Variants in PLD5 observed in about 807,000 individuals in gnomAD.
PLD5 encodes inactive phospholipase D5.
PLD5 carries 36 observed loss-of-function variants against 61.1 expected under a neutral mutation model. The ratio of observed to expected loss-of-function variants is 0.59; its 90% CI spans 0.45 to 0.78. The LOEUF is 0.78. Among genes scored for constraint, PLD5 ranks in the 30% least tolerant of loss-of-function variants. The pLI, the probability that PLD5 is intolerant of heterozygous loss-of-function variation, is 0.00. For missense variants in PLD5, 515 were observed against 644.4 expected (o/e 0.80, Z 2.17); for synonymous variants, 243 against 242.8 (o/e 1.00, Z -0.01).
intron 5 of PLD5, among the ~76,000 whole-genome samples, chr1:242,199,575 A>G (rs547361182): frequency 2.0e-5 from 3 of 152,240 alleles, no homozygotes; most frequent in Admixed American, 1.3e-4. Context: ...CAATTTTGCT[A>G]CACTGATTTA....
At chr1:242,198,102 A>G (rs1236814530) in intron 5 of PLD5, among the ~76,000 whole-genome samples, 1 of 152,178 alleles carries the variant, frequency 6.6e-6, no homozygotes, top group Non-Finnish European at 1.5e-5. Flanking sequence ...GAATGAATGA[A>G]TAAATGAACC....
At chr1:242,104,167 G>A (rs1267943868) in intron 8 of PLD5, among the ~76,000 whole-genome samples, 1 of 151,994 alleles carries the variant, frequency 6.6e-6, no homozygotes, top group Non-Finnish European at 1.5e-5. Context: ...TCCCCAGGCT[G>A]GAGTGCAGTG....
At position 242,354,965 on chromosome 1, in the gene PLD5, A is replaced by T. The variant is rs544536149; in HGVS notation, c.190-6723T>A. Among the ~76,000 whole-genome samples, 88 of 152,158 alleles carry T rather than the reference A, an allele frequency of 5.8e-4. 1 individual carries two copies. The highest frequency in any genetic ancestry group is 5.7e-3 in the Admixed American group (87 of 15,286). ...GTGGATATATCCTTGCATCCCAGGG[A>T]TAGATCCCATTTGATCATGGTAAAT... On this transcript the variant is annotated intron_variant, in intron 1 of 9. Coordinates refer to ENST00000536534, the MANE Select transcript of PLD5 (RefSeq NM_001372062.1).
Position 242,100,789 on chromosome 1 carries a change from G to GAAA in PLD5, c.1240-10_1240-8dup. 2 of 1,287,678 alleles carry GAAA rather than the reference G, an allele frequency of 1.6e-6. No homozygotes were observed. The highest frequency in any genetic ancestry group is 2.1e-6 in the Non-Finnish European group (2 of 951,454). The allele number at this position is 1,287,678 out of a possible 1,614,324, so 79.8% of individuals were successfully genotyped here. On this transcript the variant is annotated splice_polypyrimidine_tract_variant and splice_region_variant and intron_variant, in intron 8 of 9. Transcript: ENST00000536534. ...TTTCCAGATCAAAAAATTTCTGTAA[G>GAAA]AAAAAAAAAAAGGGGGCAGGTAAAT...
At chr1:242,478,690 C>T (rs1309716754) in intron 1 of PLD5, among the ~76,000 whole-genome samples, 1 of 152,134 alleles carries the variant, frequency 6.6e-6, no homozygotes, top group East Asian at 1.9e-4. Flanking sequence ...CTTTGATATT[C>T]CCTGGACTGC....
chr1:242,226,292 C>T (rs1433508388), intron 4 of PLD5, among the ~76,000 whole-genome samples: 2 of 152,172 alleles, frequency 1.3e-5, no homozygotes, highest in Non-Finnish European at 2.9e-5. Flanking sequence ...GAGATGCATA[C>T]ATCACAATGT....
At chr1:242,213,196 C>A (rs1004195745) in intron 5 of PLD5, among the ~76,000 whole-genome samples, 28 of 152,068 alleles carry the variant, frequency 1.8e-4, no homozygotes, top group Admixed American at 2.0e-4. Context: ...CAGAACAGGA[C>A]AGAAAAAAAT....
chr1:242,113,940 C>A lies in PLD5; in HGVS notation c.1020G>T (p.Val340=). The A allele has an allele frequency of 1.2e-6, 2 of 1,614,086 alleles. No homozygotes were observed. Among genetic ancestry groups the A allele is most frequent in the Non-Finnish European group, 1.7e-6 (2 of 1,179,968 alleles). The change falls in exon 7 of 10, where the codon GTG becomes GTT. Residue 340 remains valine (V), a synonymous_variant. Transcript: ENST00000536534. ...GCAGGTAGTCCATGACAGCGATGTA[C>A]ACATACTGCTTGGCATCATCTATCA... The part of the protein sequence containing the change: ...YSVIDDAKQY[V]YIAVMDYLPI...
intron 5 of PLD5, among the ~76,000 whole-genome samples, chr1:242,172,267 C>G (rs1666806604): frequency 6.6e-6 from 1 of 152,194 alleles, no homozygotes; most frequent in African/African-American, 2.4e-5. Context: ...CAACCTGCTC[C>G]TGAATGACTA....
intron 1 of PLD5, among the ~76,000 whole-genome samples, chr1:242,421,737 A>G (rs1036405908): frequency 2.6e-5 from 4 of 152,246 alleles, no homozygotes; most frequent in African/African-American, 9.6e-5. Flanking sequence ...GTGTTACACA[A>G]CTGCAAGTTT....
At chr1:242,166,223 C>T (rs761981032) in intron 5 of PLD5, among the ~76,000 whole-genome samples, 93 of 152,200 alleles carry the variant, frequency 6.1e-4, no homozygotes, top group Non-Finnish European at 1.2e-3. Context: ...GCCACAAGGG[C>T]ATCTGCCAGC....
At chr1:242,444,665 T>C (rs948056389) in intron 1 of PLD5, among the ~76,000 whole-genome samples, 6 of 66,426 alleles carry the variant, frequency 9.0e-5, no homozygotes, top group African/African-American at 3.5e-4. Context: ...TATTTAATTA[T>C]ACTATACATA....
rs977420062 is a variant in PLD5, at chr1:242,163,270, A to T, written c.736-38605T>A. ...GCCATTCTCCTGCCTCAGCCTCCCG[A>T]GTAGCTGGGACTACAGGCGCCCGCC... On this transcript the variant is annotated intron_variant, in intron 5 of 9. Transcript: ENST00000536534. Among the ~76,000 whole-genome samples the T allele has an allele frequency of 4.6e-4, 69 of 151,614 alleles. 1 individual carries two copies. The highest frequency in any genetic ancestry group is 2.8e-3 in the Admixed American group (42 of 15,246).
At position 242,260,318 on chromosome 1, in the gene PLD5, G is replaced by A. The variant is rs867842619; in HGVS notation, c.607+5019C>T. Among the ~76,000 whole-genome samples the A allele has an allele frequency of 2.0e-5, 3 of 150,610 alleles. No homozygotes were observed. In the Middle Eastern group the frequency reaches 0.01, roughly 516 times the overall value. On this transcript the variant is annotated intron_variant, in intron 4 of 9. Coordinates refer to ENST00000536534, the MANE Select transcript of PLD5 (RefSeq NM_001372062.1). ...GCCGAGATGGCACCATTGCACTCCA[G>A]CCTGGGTGACAGAGTGAGACTCCGT... is the stretch of plus-strand genomic sequence containing the variant.
At chr1:242,205,331 A>T (rs113051006) in intron 5 of PLD5, among the ~76,000 whole-genome samples, 2 of 152,228 alleles carry the variant, frequency 1.3e-5, no homozygotes, top group Admixed American at 6.5e-5. Flanking sequence ...TGGGAGAGTA[A>T]AAAAGAGGAT....
chr1:242,180,869 G>A (rs1667472220), intron 5 of PLD5, among the ~76,000 whole-genome samples: 1 of 152,122 alleles, frequency 6.6e-6, no homozygotes, highest in African/African-American at 2.4e-5. Flanking sequence ...TATGTTCCCA[G>A]CTACTTGGGA....
chr1:242,446,501 G>A (rs1003764229), intron 1 of PLD5, among the ~76,000 whole-genome samples: 4 of 152,264 alleles, frequency 2.6e-5, no homozygotes, highest in Admixed American at 6.5e-5. Flanking sequence ...AACCTTAGAC[G>A]TGGAGGTTGC....
intron 1 of PLD5, among the ~76,000 whole-genome samples, chr1:242,399,691 G>A (rs1303902232): frequency 6.6e-6 from 1 of 151,932 alleles, no homozygotes; most frequent in Non-Finnish European, 1.5e-5. Context: ...TCCCCGGGCT[G>A]CAAACTATTA....
chr1:242,126,148 T>A (rs900497736), intron 5 of PLD5, among the ~76,000 whole-genome samples: 1 of 152,070 alleles, frequency 6.6e-6, no homozygotes, highest in Non-Finnish European at 1.5e-5. Context: ...TACAAAACAC[T>A]GCTGAAAGAA....
Sources: gnomAD v4.1 joint callset for allele counts (sites outside exome capture counted in the v4.1 genomes callset) on GRCh38, gnomAD v4.1.1 for gene constraint, MANE v1.5 for transcripts, NCBI Gene and HGNC (gene_info 2026-07-23, HGNC 2026-07-21) for gene names.